TIA1: variants seen among roughly 807,000 people sequenced by gnomAD.
TIA1 encodes TIA1 cytotoxic granule associated RNA binding protein.
Under a neutral mutation model 65.9 loss-of-function variants are expected in TIA1, and 23 were observed. That is an observed-to-expected ratio of 0.35 (90% CI 0.25 to 0.49). TIA1 has a LOEUF of 0.49. Among genes scored for constraint, TIA1 ranks in the 20% least tolerant of loss-of-function variants. The probability of loss-of-function intolerance (pLI) is 0.98; values close to 1 mark genes in which losing one functional copy is unlikely to be tolerated. For synonymous variants in TIA1, 147 were observed against 149.4 expected, an observed-to-expected ratio of 0.98 and a Z score of 0.12; for missense variants, 371 against 477.9, an observed-to-expected ratio of 0.78 and a Z score of 2.09.
chr2:70,215,061 T>C (rs1423190671), intron 11 of TIA1: 7 of 261,912 alleles, frequency 2.7e-5, no homozygotes, highest in African/African-American at 9.1e-5. Flanking sequence ...GAGTCAAGCA[T>C]GCTTGTGAGT....
intron 6 of TIA1, among the ~76,000 whole-genome samples, chr2:70,227,258 T>C (rs542990514): frequency 1.1e-4 from 16 of 152,300 alleles, no homozygotes; most frequent in Non-Finnish European, 2.2e-4. Flanking sequence ...GGCACTATTA[T>C]TGTTAGCAGT....
intron 1 of TIA1, among the ~76,000 whole-genome samples, chr2:70,236,779 A>T (rs1222221249): frequency 6.6e-6 from 1 of 152,108 alleles, no homozygotes; most frequent in Non-Finnish European, 1.5e-5. Flanking sequence ...GGCGTGTGCC[A>T]TCATATCTGG....
intron 1 of TIA1, among the ~76,000 whole-genome samples, chr2:70,244,859 AT>A (rs1480077522): frequency 1.4e-4 from 20 of 143,300 alleles, no homozygotes; most frequent in African/African-American, 5.3e-4. Context: ...AAAAAAAAAG[AT>A]AGGTCTGATT....
intron 3 of TIA1, among the ~76,000 whole-genome samples, chr2:70,229,831 A>T (rs1328108821): frequency 6.6e-6 from 1 of 151,874 alleles, no homozygotes; most frequent in Non-Finnish European, 1.5e-5. Flanking sequence ...CCAGCTACCC[A>T]GGAGGCTGAA....
intron 3 of TIA1, among the ~76,000 whole-genome samples, chr2:70,229,950 C>G (rs1241664454): frequency 7.1e-6 from 1 of 140,594 alleles, no homozygotes; most frequent in Non-Finnish European, 1.6e-5. Context: ...AAAAAAAAAA[C>G]AAAAAAACCT....
chr2:70,214,935 A>G (rs1677958228), intron 11 of TIA1, among the ~76,000 whole-genome samples: 2 of 152,194 alleles, frequency 1.3e-5, no homozygotes, highest in African/African-American at 4.8e-5. Flanking sequence ...CCTCATAGAA[A>G]TCTTTGTGGA....
Position 70,248,580 on chromosome 2 carries a change from A to G in TIA1, c.-150T>C. ...TCCTCCTCCGGCGGCAATTACACTA[A>G]ACCGCCCGGCCCAGCGGGAACAATG... On this transcript the variant is annotated 5_prime_UTR_variant, in exon 1 of 13. Coordinates refer to ENST00000433529, the MANE Select transcript of TIA1 (RefSeq NM_022173.4). 9.0e-7 allele frequency: 1 copy of G among 1,111,860 alleles called. No individual in the cohort carries two copies. The highest frequency in any genetic ancestry group is 1.3e-6 in the Non-Finnish European group (1 of 759,990). The allele number at this position is 1,111,860 out of a possible 1,614,324, so 68.9% of individuals were successfully genotyped here. A position where few individuals can be genotyped will look rare whatever the true frequency, so the allele number is the denominator to read the frequency against.
rs1449666623 is a variant in TIA1 at position 70,210,206 on chromosome 2, A to G, written c.*2513T>C. The G allele has an allele frequency of 2.6e-5, 4 of 152,954 alleles. No homozygotes were observed. Among genetic ancestry groups the G allele is most frequent in the Non-Finnish European group, 5.8e-5 (4 of 68,576 alleles). 9.5% of individuals were successfully genotyped at this position (152,954 alleles called of 1,614,324 possible). ...TCACTGCAAGAAGATCCCACAGGTTATAGAAAACATAAAGGAACTTTAATA... is the reference window on the plus strand; with the variant it reads ...TCACTGCAAGAAGATCCCACAGGTTGTAGAAAACATAAAGGAACTTTAATA... On this transcript the variant is annotated 3_prime_UTR_variant, in exon 13 of 13. Transcript: ENST00000433529.
chr2:70,222,862 C>T (rs758105668), intron 7 of TIA1, among the ~76,000 whole-genome samples: 2 of 152,036 alleles, frequency 1.3e-5, no homozygotes. Flanking sequence ...TGCAGTGAGC[C>T]GAAATTGCGC....
At chr2:70,218,196 A>G (rs1679519980) in intron 7 of TIA1, among the ~76,000 whole-genome samples, 1 of 152,254 alleles carries the variant, frequency 6.6e-6, no homozygotes, top group Admixed American at 6.5e-5. Context: ...TCTCTCTGAA[A>G]TGACATTTAA....
chr2:70,246,048 C>A (rs112300016), intron 1 of TIA1, among the ~76,000 whole-genome samples: 2 of 151,898 alleles, frequency 1.3e-5, no homozygotes, highest in African/African-American at 4.8e-5. Flanking sequence ...CTCAGCCTCC[C>A]GAGTAGCTGG....
At chr2:70,227,167 T>G (rs1443912861) in intron 6 of TIA1, among the ~76,000 whole-genome samples, 2 of 152,186 alleles carry the variant, frequency 1.3e-5, no homozygotes, top group Non-Finnish European at 2.9e-5. Flanking sequence ...CTATCTCAAG[T>G]AAGGTATTTA....
At chr2:70,242,521 A>AAAAG (rs1692341921) in intron 1 of TIA1, among the ~76,000 whole-genome samples, 1 of 149,884 alleles carries the variant, frequency 6.7e-6, no homozygotes, top group African/African-American at 2.4e-5. Flanking sequence ...AAAAAAAAAA[A>AAAAG]GGCAGAATTT....
At position 70,232,762 on chromosome 2, in the gene TIA1, G is replaced by A. The variant is rs185509407; in HGVS notation, c.124-1908C>T. Among the ~76,000 whole-genome samples the A allele has an allele frequency of 1.5e-3, 235 of 151,630 alleles. 1 individual carries two copies. The highest frequency in any genetic ancestry group is 2.0e-3 in the Non-Finnish European group (135 of 67,866). On this transcript the variant is annotated intron_variant, in intron 2 of 12. Coordinates refer to ENST00000433529, the MANE Select transcript of TIA1 (RefSeq NM_022173.4). ...CGTGTGCTTGTAATCCCATCTACTC[G>A]GGAGGCTGAGGCAGGAGATTCGCTT...
chr2:70,239,410 A>T (rs997323178), intron 1 of TIA1, among the ~76,000 whole-genome samples: 1 of 152,078 alleles, frequency 6.6e-6, no homozygotes, highest in Non-Finnish European at 1.5e-5. Context: ...GTTTATAAAT[A>T]AGTTTTTAAA....
At chr2:70,217,372 A>G (rs770957902) in intron 7 of TIA1, among the ~76,000 whole-genome samples, 4 of 149,938 alleles carry the variant, frequency 2.7e-5, no homozygotes, top group Admixed American at 1.3e-4. Flanking sequence ...GGGTTTCGCC[A>G]TATTGGCCAG....
At chr2:70,215,982 A>C in intron 10 of TIA1, 1 of 486,604 alleles carries the variant, frequency 2.1e-6, no homozygotes, top group Non-Finnish European at 3.6e-6. Flanking sequence ...TCTCAAACTC[A>C]TGACGGTGAT....
chr2:70,244,054 C>T (rs1239637136), intron 1 of TIA1, among the ~76,000 whole-genome samples: 1 of 152,190 alleles, frequency 6.6e-6, no homozygotes, highest in African/African-American at 2.4e-5. Flanking sequence ...TCTCCCCTAA[C>T]ATTCCTATTT....
rs534202867 is a variant in TIA1 at position 70,210,485 on chromosome 2, A to G, written c.*2234T>C. 5.6e-4 allele frequency: 85 copies of G among 152,364 alleles called. No homozygotes were observed. Among genetic ancestry groups the G allele is most frequent in the African/African-American group, 2.0e-3 (84 of 41,594 alleles). The allele number at this position is 152,364 out of a possible 1,614,324, so 9.4% of individuals were successfully genotyped here. A position where few individuals can be genotyped will look rare whatever the true frequency, so the allele number is the denominator to read the frequency against. ...TTTGTTCAGTAGTAACCTTTTCATC[A>G]TGAGTACTGATACCACTTTCTTCTC... On this transcript the variant is annotated 3_prime_UTR_variant, in exon 13 of 13. Transcript: ENST00000433529.
Sources: gnomAD v4.1 joint callset for allele counts (sites outside exome capture counted in the v4.1 genomes callset) on GRCh38, gnomAD v4.1.1 for gene constraint, MANE v1.5 for transcripts, NCBI Gene and HGNC (gene_info 2026-07-23, HGNC 2026-07-21) for gene names.